The following EPHB2 variants were observed in gnomAD, a reference collection of about 807,000 sequenced individuals.
EPHB2 encodes EPH receptor B2.
Under a neutral mutation model 96.4 loss-of-function variants are expected in EPHB2, and 18 were observed. The ratio of observed to expected loss-of-function variants is 0.19; its 90% confidence interval spans 0.13 to 0.28. The LOEUF (loss-of-function observed/expected upper bound fraction) is 0.28. EPHB2 is among the 10% of genes least tolerant of loss of function. The probability of loss-of-function intolerance (pLI) is 1.00; values close to 1 mark genes in which losing one functional copy is unlikely to be tolerated. For synonymous variants in EPHB2, 506 were observed against 534.1 expected (o/e 0.95, Z 0.72); for missense variants, 989 against 1,355.4 (o/e 0.73, Z 4.25).
At chr1:22,827,352 C>T (rs1449531067) in intron 3 of EPHB2, among the ~76,000 whole-genome samples, 3 of 152,224 alleles carry the variant, frequency 2.0e-5, no homozygotes, top group Admixed American at 6.5e-5. Flanking sequence ...GTGCTCTGCT[C>T]CCAACCTGGC....
rs563703125 is a variant in EPHB2 at position 22,827,686 on chromosome 1, GTGA to G, written c.812-35345_812-35343del. ...GTAAGTCCTCAATCAAACCATGCCAGTGATGATGGTGGTGAAGTGCTAGAGCCC... is the reference window on the plus strand; with the variant it reads ...GTAAGTCCTCAATCAAACCATGCCAGTGATGGTGGTGAAGTGCTAGAGCCC... On this transcript the variant is annotated intron_variant, in intron 3 of 15. Transcript: ENST00000374630. Among the ~76,000 whole-genome samples the G allele has an allele frequency of 5.8e-3, 881 of 152,356 alleles. 3 individuals are homozygous for G. Among genetic ancestry groups the G allele is most frequent in the Non-Finnish European group, 9.3e-3 (631 of 68,034 alleles).
At chr1:22,730,859 A>C (rs940418138) in intron 1 of EPHB2, among the ~76,000 whole-genome samples, 1 of 152,098 alleles carries the variant, frequency 6.6e-6, no homozygotes, top group East Asian at 1.9e-4. Flanking sequence ...GGGTTCAGAA[A>C]GCACCACTCT....
At chr1:22,765,489 G>A (rs527910209) in intron 1 of EPHB2, among the ~76,000 whole-genome samples, 10 of 141,224 alleles carry the variant, frequency 7.1e-5, no homozygotes, top group African/African-American at 2.4e-4. Context: ...GGAGGTTGCA[G>A]TAAGCCAAGA....
chr1:22,734,288 C>T (rs899654366), intron 1 of EPHB2, among the ~76,000 whole-genome samples: 5 of 152,204 alleles, frequency 3.3e-5, no homozygotes, highest in Admixed American at 6.5e-5. Context: ...AGCATCCTTT[C>T]CCCTCCACAG....
chr1:22,865,586 T>TGG (rs1638445661), intron 5 of EPHB2, among the ~76,000 whole-genome samples: 1 of 152,194 alleles, frequency 6.6e-6, no homozygotes, highest in Non-Finnish European at 1.5e-5. Context: ...GTTATTTCCG[T>TGG]GTCATTTCCC....
intron 9 of EPHB2, among the ~76,000 whole-genome samples, chr1:22,897,020 C>T (rs1639587107): frequency 6.6e-6 from 1 of 152,164 alleles, no homozygotes; most frequent in Admixed American, 6.5e-5. Flanking sequence ...CAGCAGGAGT[C>T]CCTCCTTCCT....
chr1:22,795,902 A>G (rs1263742219), intron 3 of EPHB2, among the ~76,000 whole-genome samples: 1 of 151,880 alleles, frequency 6.6e-6, no homozygotes, highest in Non-Finnish European at 1.5e-5. Flanking sequence ...CATCCCGCCA[A>G]CCCATCCACA....
chr1:22,791,062 C>G (rs1044330101), intron 3 of EPHB2, among the ~76,000 whole-genome samples: 1 of 152,182 alleles, frequency 6.6e-6, no homozygotes, highest in African/African-American at 2.4e-5. Context: ...CCTTTGTTTT[C>G]TCATCTGCAA....
chr1:22,830,862 C>A (rs1011657785), intron 3 of EPHB2, among the ~76,000 whole-genome samples: 27 of 152,174 alleles, frequency 1.8e-4, no homozygotes, highest in Admixed American at 1.6e-3. Context: ...GCCTCATATT[C>A]ATTTCTTTAT....
chr1:22,920,569 G>C lies in EPHB2; in HGVS notation c.*6999G>C, dbSNP rs975546177. On this transcript the variant is annotated 3_prime_UTR_variant, in exon 16 of 16. Transcript: ENST00000374630. ...CTAATCTTAGTCACTGCCTTCCAGA[G>C]CTGGGAGGCCACACGGCAGAGGTGC... The C allele has an allele frequency of 6.6e-6, 1 of 152,416 alleles. No homozygotes were observed. The highest frequency in any genetic ancestry group is 6.5e-5 in the Admixed American group (1 of 15,276). The allele number at this position is 152,416 out of a possible 1,614,324, so 9.4% of individuals were successfully genotyped here. A position where few individuals can be genotyped will look rare whatever the true frequency, so the allele number is the denominator to read the frequency against.
rs373163776 is a variant in EPHB2, at chr1:22,911,697, G to A, written c.2697-747G>A. 3.9e-5 allele frequency among the ~76,000 whole-genome samples: 6 copies of A among 152,246 alleles called. No homozygotes were observed. The East Asian group carries it at 1.2e-3, about 29-fold the overall frequency. On this transcript the variant is annotated intron_variant, in intron 14 of 15. Transcript: ENST00000374630. ...CCACAACCCCACAGGGTTTCAGAGG[G>A]GCATCTGGCCAGGTATACTTAGGAT...
At chr1:22,783,640 A>C (rs1644566213) in intron 2 of EPHB2, among the ~76,000 whole-genome samples, 1 of 152,186 alleles carries the variant, frequency 6.6e-6, no homozygotes. Context: ...GAGTGTGAGG[A>C]GATAACCCGG....
intron 3 of EPHB2, among the ~76,000 whole-genome samples, chr1:22,787,946 C>T (rs1299068919): frequency 6.6e-6 from 1 of 152,200 alleles, no homozygotes; most frequent in Non-Finnish European, 1.5e-5. Context: ...CTCTGTCCCT[C>T]ACCACATGGG....
At chr1:22,712,366 T>C (rs1382887697) in intron 1 of EPHB2, among the ~76,000 whole-genome samples, 1 of 152,200 alleles carries the variant, frequency 6.6e-6, no homozygotes, top group Admixed American at 6.5e-5. Context: ...CCTTCCAGGG[T>C]TCTGCTCCCT....
At chr1:22,878,510 G>A (rs1438875370) in intron 5 of EPHB2, among the ~76,000 whole-genome samples, 3 of 152,146 alleles carry the variant, frequency 2.0e-5, no homozygotes, top group African/African-American at 4.8e-5. Flanking sequence ...CATGTGGTTG[G>A]CATCATAGCA....
Position 22,906,942 on chromosome 1 carries a change from G to C in EPHB2, c.2121G>C (p.Leu707=), listed in dbSNP as rs1639936199. The C allele has an allele frequency of 1.2e-6, 2 of 1,610,656 alleles. No individual in the cohort carries two copies. Among genetic ancestry groups the C allele is most frequent in the East Asian group, 2.2e-5 (1 of 44,772 alleles). ...CCGAGTTCATGGAGAATGGCTCCCT[G>C]GACTCCTTTCTCCGGGTAGGGGAAG... ...IITEFMENGS[L]DSFLRQNDGQ... Residue 707 remains leucine (L), a synonymous_variant, in exon 11 of 16, where the codon CTG becomes CTC. Transcript: ENST00000374630. The surrounding 1 kb of genome is among the most constrained non-coding windows in gnomAD (Gnocchi z 4.8).
chr1:22,814,989 C>T (rs934440953), intron 3 of EPHB2, among the ~76,000 whole-genome samples: 2 of 152,222 alleles, frequency 1.3e-5, no homozygotes, highest in Admixed American at 1.3e-4. Context: ...TCTATGGCCA[C>T]GCGTGAAGGC....
chr1:22,910,592 GCCCTGCCCCAGCCAGGCCCTGCCCCTCTT>G lies in EPHB2; in HGVS notation c.2696+21_2696+49del. ...CTCCTCTGGGTAAGGCCCCACCCTGGCCCTGCCCCAGCCAGGCCCTGCCCCTCTTCCCGTCTCCCATCCCTTCTGCCCCC... is the reference window on the plus strand; with the variant it reads ...CTCCTCTGGGTAAGGCCCCACCCTGGCCCGTCTCCCATCCCTTCTGCCCCC... On this transcript the variant is annotated intron_variant, in intron 14 of 15. Transcript: ENST00000374630. 1 of 1,613,258 alleles carries G rather than the reference GCCCTGCCCCAGCCAGGCCCTGCCCCTCTT, an allele frequency of 6.2e-7. No homozygotes were observed. The highest frequency in any genetic ancestry group is 8.5e-7 in the Non-Finnish European group (1 of 1,179,762).
intron 1 of EPHB2, among the ~76,000 whole-genome samples, chr1:22,738,340 C>G (rs1643867643): frequency 6.6e-6 from 1 of 152,208 alleles, no homozygotes; most frequent in Admixed American, 6.5e-5. Flanking sequence ...CCCAAACCCT[C>G]AAGCATGTAG....
Sources: gnomAD v4.1 joint callset for allele counts (sites outside exome capture counted in the v4.1 genomes callset) on GRCh38, gnomAD v4.1.1 for gene constraint, Gnocchi (gnomAD v3.1) non-coding constraint, MANE v1.5 for transcripts, NCBI Gene and HGNC (gene_info 2026-07-23, HGNC 2026-07-21) for gene names.